Variants in PARVG observed in about 807,000 individuals in gnomAD.
PARVG encodes the protein parvin gamma.
Under a neutral mutation model 44.4 loss-of-function variants are expected in PARVG, and 36 were observed. The observed-to-expected ratio is 0.81, with a 90% CI of 0.62 to 1.07. The LOEUF is 1.07. Ranked by LOEUF, PARVG falls within the 50% of genes least tolerant of loss-of-function variation. The pLI is 0.00. For synonymous variants in PARVG, 170 were observed against 174.1 expected (o/e 0.98, Z 0.19); for missense variants, 407 against 407.4 (o/e 1.00, Z 0.01).
At chr22:44,188,967 G>A in intron 5 of PARVG, 147 bp from the exon 6 acceptor site, 1 of 1,015,514 alleles carries the variant, frequency 9.8e-7, no homozygotes, top group Non-Finnish European at 1.4e-6. Context: ...GAGGCTGTGA[G>A]TGTGGCCCAC....
In PARVG at chr22:44,189,308, T is replaced by C. The variant is rs1363466449; in HGVS notation, c.388+54T>C. 4 of 1,593,102 alleles carry C rather than the reference T, an allele frequency of 2.5e-6. No individual in the cohort carries two copies. In the Admixed American group the frequency reaches 7.0e-5, roughly 28 times the overall value. On this transcript the variant is annotated intron_variant, in intron 6 of 13. Transcript: ENST00000444313. Reference sequence around the variant, plus strand: ...GGGGAGTGTGGGGCCGCTGGGGTCCTTCTGCTTCAGGCTTCTCACCCACCA... The same window carrying C: ...GGGGAGTGTGGGGCCGCTGGGGTCCCTCTGCTTCAGGCTTCTCACCCACCA...
At chr22:44,200,069 G>T (rs535183485) in intron 12 of PARVG, among the ~76,000 whole-genome samples, 5 of 152,174 alleles carry the variant, frequency 3.3e-5, no homozygotes, top group African/African-American at 1.2e-4. Flanking sequence ...ACAGCCTTCA[G>T]TGCCCGCTGG....
At chr22:44,189,280 C>A in intron 6 of PARVG, 26 bp downstream of exon 6, 1 of 1,612,154 alleles carries the variant, frequency 6.2e-7, no homozygotes, top group Non-Finnish European at 8.5e-7. Context: ...CCTGGCTACC[C>A]CTGGGGAGTG....
chr22:44,183,743 T>C, intron 3 of PARVG: 1 of 407,794 alleles, frequency 2.5e-6, no homozygotes, highest in Non-Finnish European at 4.3e-6. Flanking sequence ...CATCAGTGCC[T>C]GCTTTATACA....
chr22:44,205,511 C>G (rs77903393), intron 12 of PARVG, among the ~76,000 whole-genome samples: 1 of 152,234 alleles, frequency 6.6e-6, no homozygotes, highest in South Asian at 2.1e-4. Context: ...TGGTATAGCA[C>G]CTGCTCAGAG....
chr22:44,177,315 T>TGAA (rs367727772), upstream of PARVG, among the ~76,000 whole-genome samples: 633 of 152,344 alleles, frequency 4.2e-3, 4 homozygotes, highest in African/African-American at 0.014. Context: ...TTCCTAAAAG[T>TGAA]GAAGACATTC....
upstream of PARVG, among the ~76,000 whole-genome samples, chr22:44,176,747 G>A (rs2054322736): frequency 6.6e-6 from 1 of 151,982 alleles, no homozygotes; most frequent in African/African-American, 2.4e-5. Context: ...CCATTCTCAT[G>A]CTGCTAAAAG....
At position 44,206,355 on chromosome 22, in the gene PARVG, C is replaced by A. The variant is rs1437215707; in HGVS notation, c.925C>A (p.Leu309Ile). 1.7e-5 allele frequency: 27 copies of A among 1,613,974 alleles called. No homozygotes were observed. Among genetic ancestry groups the A allele is most frequent in the Non-Finnish European group, 2.2e-5 (26 of 1,179,976 alleles). Residue 309 changes from leucine to isoleucine, a missense_variant, in exon 14 of 14, where the codon CTC becomes ATC. Transcript: ENST00000444313. ...GGATGCCAAGAGCACACTGAGGGTG[C>A]TCTATGGTCTGTTCTGCAAGCACAC... Reference protein sequence around the residue: ...NKDAKSTLRVLYGLFCKHTQK... With the variant: ...NKDAKSTLRVIYGLFCKHTQK...
In PARVG at chr22:44,192,080, T is replaced by C. The variant is rs1325107067; in HGVS notation, c.536T>C (p.Leu179Ser). The C allele has an allele frequency of 6.2e-7, 1 of 1,610,400 alleles. No individual in the cohort carries two copies. Among genetic ancestry groups the C allele is most frequent in the Admixed American group, 1.7e-5 (1 of 59,886 alleles). Residue 179 changes from leucine to serine, a missense_variant, in exon 8 of 14, where the codon TTG becomes TCG. Transcript: ENST00000444313. ...STKSGLKSEK[L>S]VEQLTEYSTD... ...AAAAGTGGTCTGAAGTCAGAGAAGT[T>C]GGTGGAACAGCTCACTGAATACAGG...
chr22:44,194,862 C>T (rs2054598404), intron 9 of PARVG, among the ~76,000 whole-genome samples: 1 of 151,964 alleles, frequency 6.6e-6, no homozygotes, highest in South Asian at 2.1e-4. Context: ...TCCATCCACC[C>T]ACACACCTAT....
chr22:44,196,286 G>T, intron 10 of PARVG, 61 bp from the exon 11 acceptor site: 1 of 1,613,966 alleles, frequency 6.2e-7, no homozygotes. Flanking sequence ...GCTGTAGGAG[G>T]GAATCACGGG....
rs200301627 is a variant in PARVG at position 44,206,312 on chromosome 22, C to T, written c.887-5C>T. 22 of 1,610,170 alleles carry T rather than the reference C, an allele frequency of 1.4e-5. No homozygotes were observed. The highest frequency in any genetic ancestry group is 2.7e-5 in the African/African-American group (2 of 74,948). Reference sequence around the variant, plus strand: ...CTGGCTGCCCTGCCCTCCTTTGGCCCGCAGATATCGTGAACAAGGATGCCA... The same window carrying T: ...CTGGCTGCCCTGCCCTCCTTTGGCCTGCAGATATCGTGAACAAGGATGCCA... On this transcript the variant is annotated splice_polypyrimidine_tract_variant and splice_region_variant and intron_variant, in intron 13 of 13. Transcript: ENST00000444313.
intron 12 of PARVG, among the ~76,000 whole-genome samples, chr22:44,200,517 G>A (rs751957706): frequency 7.2e-5 from 11 of 152,216 alleles, no homozygotes; most frequent in East Asian, 3.8e-4. Flanking sequence ...CATTGGAGGC[G>A]TGCATCCCAA....
At chr22:44,200,153 A>G (rs1294170648) in intron 12 of PARVG, among the ~76,000 whole-genome samples, 3 of 152,158 alleles carry the variant, frequency 2.0e-5, no homozygotes, top group African/African-American at 7.2e-5. Flanking sequence ...GGGCTCTCCC[A>G]TCTCTGGGCT....
chr22:44,193,977 TTCTG>T (rs983080831), intron 9 of PARVG, among the ~76,000 whole-genome samples, 154 bp downstream of exon 9: 2 of 151,992 alleles, frequency 1.3e-5, no homozygotes, highest in African/African-American at 4.8e-5. Flanking sequence ...TTGTCCCTCT[TTCTG>T]TCTGTCCATC....
intron 3 of PARVG, 156 bp downstream of exon 3, chr22:44,183,564 A>C: frequency 1.6e-6 from 1 of 618,190 alleles, no homozygotes; most frequent in Non-Finnish European, 2.7e-6. Context: ...GCTTGACCTA[A>C]CTCCTCCTCC....
At chr22:44,196,261 C>A in intron 10 of PARVG, 48 bp downstream of exon 10, 2 of 1,613,852 alleles carry the variant, frequency 1.2e-6, no homozygotes, top group Non-Finnish European at 1.7e-6. Flanking sequence ...CCCACCCCAC[C>A]CACTGCCCAC....
upstream of PARVG, among the ~76,000 whole-genome samples, chr22:44,177,407 G>GT (rs576569042): frequency 1.2e-3 from 176 of 152,226 alleles, no homozygotes; most frequent in Non-Finnish European, 2.0e-3. Context: ...CCTTAATTGT[G>GT]TTTTTTTCCA....
intron 3 of PARVG, 98 bp from the exon 4 acceptor site, chr22:44,185,710 T>A: frequency 9.7e-7 from 1 of 1,034,578 alleles, no homozygotes; most frequent in African/African-American, 1.6e-5. Context: ...CCGGTGCCCC[T>A]GGGTCTGCGG....
Sources: gnomAD v4.1 joint callset for allele counts (sites outside exome capture counted in the v4.1 genomes callset) on GRCh38, gnomAD v4.1.1 for gene constraint, MANE v1.5 for transcripts, NCBI Gene and HGNC (gene_info 2026-07-23, HGNC 2026-07-21) for gene names.